The following TSHR variants were observed in gnomAD, a reference collection of about 807,000 sequenced individuals.
TSHR encodes thyrotropin receptor.
TSHR carries 51 observed loss-of-function variants against 64.1 expected under a neutral mutation model. The ratio of observed to expected loss-of-function variants is 0.80; its 90% confidence interval spans 0.64 to 1.01. The LOEUF (loss-of-function observed/expected upper bound fraction) is 1.01. TSHR is among the 50% of genes least tolerant of loss of function. The probability of loss-of-function intolerance (pLI) is 0.00; values close to 1 mark genes in which losing one functional copy is unlikely to be tolerated. For missense variants in TSHR, 877 were observed against 942.8 expected, an observed-to-expected ratio of 0.93 and a Z score of 0.91; for synonymous variants, 361 against 361.9, an observed-to-expected ratio of 1.00 and a Z score of 0.03.
intron 9 of TSHR, among the ~76,000 whole-genome samples, chr14:81,142,637 C>G (rs1595176456): frequency 7.8e-6 from 1 of 128,608 alleles, no homozygotes; most frequent in East Asian, 2.3e-4. Context: ...GAGACAGGGT[C>G]TCACTCTGTC....
chr14:81,097,892 T>C (rs941007193), intron 7 of TSHR, among the ~76,000 whole-genome samples: 1 of 152,180 alleles, frequency 6.6e-6, no homozygotes, highest in Admixed American at 6.5e-5. Context: ...TGTGGAGTCA[T>C]AATGGTTCAT....
chr14:81,025,361 AT>A (rs1482397358), intron 1 of TSHR, among the ~76,000 whole-genome samples: 1 of 152,162 alleles, frequency 6.6e-6, no homozygotes, highest in Non-Finnish European at 1.5e-5. Flanking sequence ...CAATATGTTT[AT>A]TTTTTAAAAT....
In TSHR at chr14:81,103,590, G is replaced by A. The variant is rs1889717465; in HGVS notation, c.615-4785G>A. On this transcript the variant is annotated intron_variant, in intron 7 of 9. Transcript: ENST00000298171. This position sits in a 1 kb window ranked among gnomAD's most constrained non-coding sequence, Gnocchi z 4.1. ...TTAGTTAGGATTTCATGAAAATGAT[G>A]GCAGATGTGTAAAAGCACATTGTCC... 1 of 985,308 alleles carries A rather than the reference G, an allele frequency of 1.0e-6. No individual in the cohort carries two copies. The highest frequency in any genetic ancestry group is 1.7e-5 in the African/African-American group (1 of 57,224). 61.0% of individuals were successfully genotyped at this position (985,308 alleles called of 1,614,324 possible). A position where few individuals can be genotyped will look rare whatever the true frequency, so the allele number is the denominator to read the frequency against.
intron 8 of TSHR, among the ~76,000 whole-genome samples, chr14:81,130,691 G>A (rs926113864): frequency 1.3e-5 from 2 of 152,036 alleles, no homozygotes; most frequent in Admixed American, 6.6e-5. Flanking sequence ...CAAATTCCAC[G>A]CTTATAAAAC....
rs78655325 is a variant in TSHR, at chr14:81,086,093, G to A, written c.318-1861G>A. On this transcript the variant is annotated intron_variant, in intron 3 of 9. Coordinates refer to ENST00000298171, the MANE Select transcript of TSHR (RefSeq NM_000369.5). The stretch of plus-strand genomic sequence containing the variant: ...GACATAATAGTTTAGGATTAGCATA[G>A]TGAGGATTTGGAAGTGAGGAGTTCT... Among the ~76,000 whole-genome samples the A allele has an allele frequency of 7.6e-3, 1,164 of 152,336 alleles. 6 individuals are homozygous for A. The highest frequency in any genetic ancestry group is 0.011 in the Non-Finnish European group (724 of 68,034).
At chr14:81,025,644 G>C (rs1884011384) in intron 1 of TSHR, among the ~76,000 whole-genome samples, 1 of 152,116 alleles carries the variant, frequency 6.6e-6, no homozygotes, top group African/African-American at 2.4e-5. Flanking sequence ...TTATATGTGA[G>C]ACATTCAATA....
intron 1 of TSHR, among the ~76,000 whole-genome samples, chr14:81,036,414 A>G (rs549747079): frequency 7.2e-5 from 11 of 152,218 alleles, no homozygotes; most frequent in Non-Finnish European, 1.6e-4. Flanking sequence ...GCAGGCCAAG[A>G]AAGAACCAGA....
chr14:81,104,155 C>A (rs1488762179), intron 7 of TSHR: 1 of 985,332 alleles, frequency 1.0e-6, no homozygotes, highest in Non-Finnish European at 1.2e-6. Context: ...AGTATTTTCT[C>A]ACAGGTTACT....
chr14:81,031,415 T>TA (rs5810010), intron 1 of TSHR, among the ~76,000 whole-genome samples: 3,599 of 151,892 alleles, frequency 0.024, 43 homozygotes, highest in African/African-American at 0.033. Context: ...TGAGGCATGG[T>TA]AAAAAAAATA....
At chr14:81,004,431 C>T (rs1294540688) in intron 1 of TSHR, among the ~76,000 whole-genome samples, 1 of 152,180 alleles carries the variant, frequency 6.6e-6, no homozygotes, top group Non-Finnish European at 1.5e-5. Flanking sequence ...ATTTGGCACT[C>T]ACATTTACAT....
At chr14:80,973,374 C>T (rs920010738) in intron 1 of TSHR, among the ~76,000 whole-genome samples, 1 of 118,756 alleles carries the variant, frequency 8.4e-6, no homozygotes, top group African/African-American at 3.1e-5. Context: ...CCACTGCACT[C>T]ACGCCCGGGT....
At chr14:80,959,203 G>T (rs1272763743) in intron 1 of TSHR, among the ~76,000 whole-genome samples, 1 of 152,068 alleles carries the variant, frequency 6.6e-6, no homozygotes, top group East Asian at 1.9e-4. Flanking sequence ...TGAGTGGAAG[G>T]TGAGGGAGAG....
At chr14:80,982,356 C>G (rs1201812930) in intron 1 of TSHR, 1 of 1,237,410 alleles carries the variant, frequency 8.1e-7, no homozygotes, top group Non-Finnish European at 1.1e-6. Context: ...ATTCCTGGTT[C>G]TGAAATGGAG....
chr14:81,139,650 T>C, intron 8 of TSHR, 29 bp from the exon 9 acceptor site: 1 of 1,613,150 alleles, frequency 6.2e-7, no homozygotes, highest in South Asian at 1.1e-5. Flanking sequence ...TCACTGCCTC[T>C]CTGCATTTTT....
At chr14:81,080,055 G>T (rs772276243) in intron 3 of TSHR, among the ~76,000 whole-genome samples, 1 of 151,926 alleles carries the variant, frequency 6.6e-6, no homozygotes, top group Non-Finnish European at 1.5e-5. Flanking sequence ...TGGGTTCAAG[G>T]GATTCTCCTG....
chr14:80,991,790 C>G, intron 1 of TSHR: 1 of 386,036 alleles, frequency 2.6e-6, no homozygotes, highest in Non-Finnish European at 4.6e-6. Context: ...GGCAAAGTTG[C>G]CTTAAATGAA....
intron 3 of TSHR, among the ~76,000 whole-genome samples, chr14:81,080,565 T>C (rs982817515): frequency 6.6e-6 from 1 of 151,326 alleles, no homozygotes; most frequent in African/African-American, 2.5e-5. Context: ...TAAACTCTCC[T>C]CAATATCTCT....
intron 3 of TSHR, among the ~76,000 whole-genome samples, chr14:81,086,322 T>C (rs1377720344): frequency 6.6e-6 from 1 of 152,210 alleles, no homozygotes. Flanking sequence ...GAGAGGTAGG[T>C]GATTTCTGTT....
Position 81,142,233 on chromosome 14 carries a change from A to G in TSHR, c.882-707A>G, listed in dbSNP as rs1240629704. Among the ~76,000 whole-genome samples the G allele has an allele frequency of 2.6e-5, 4 of 152,288 alleles. No individual in the cohort carries two copies. In the East Asian group the frequency reaches 7.7e-4, roughly 29 times the overall value. On this transcript the variant is annotated intron_variant, in intron 9 of 9. Transcript: ENST00000298171. ...GTAGCTGGAATTACAGGCACGTGCC[A>G]CTACGCCTGGCTAATTTTTGGATTT...
Sources: gnomAD v4.1 joint callset for allele counts (sites outside exome capture counted in the v4.1 genomes callset) on GRCh38, gnomAD v4.1.1 for gene constraint, Gnocchi (gnomAD v3.1) non-coding constraint, MANE v1.5 for transcripts, NCBI Gene and HGNC (gene_info 2026-07-23, HGNC 2026-07-21) for gene names.